SATB1: variants seen among roughly 807,000 people sequenced by gnomAD.
SATB1 encodes SATB homeobox 1, also known as DNA-binding protein SATB1.
Under a neutral mutation model 86.9 loss-of-function variants are expected in SATB1, and 11 were observed. That is an observed-to-expected ratio of 0.13 (90% CI 0.08 to 0.21). SATB1 has a LOEUF of 0.21. Among genes scored for constraint, SATB1 ranks in the 10% least tolerant of loss-of-function variants. The pLI is 1.00. For missense variants in SATB1, 551 were observed against 937.6 expected (o/e 0.59, Z 5.39); for synonymous variants, 357 against 357.2 (o/e 1.00, Z 0.01).
intron 2 of SATB1, among the ~76,000 whole-genome samples, chr3:18,419,200 A>C (rs1698263213): frequency 1.3e-5 from 2 of 152,190 alleles, no homozygotes; most frequent in African/African-American, 4.8e-5. Flanking sequence ...ACCTTCTAGC[A>C]AACTGTTGCG....
Position 18,386,709 on chromosome 3 carries a change from ACAGT to A in SATB1, c.1207-102_1207-99del. The A allele has an allele frequency of 1.1e-6, 1 of 928,380 alleles. No individual in the cohort carries two copies. The highest frequency in any genetic ancestry group is 1.7e-6 in the Non-Finnish European group (1 of 583,636). 57.5% of individuals were successfully genotyped at this position (928,380 alleles called of 1,614,324 possible). ...CTTCTCCACTCTGTTTAGAAAATGA[ACAGT>A]CAGAGGCATTAATTCTGCATAGGAA... On this transcript the variant is annotated intron_variant, in intron 7 of 10. Transcript: ENST00000338745. The surrounding 1 kb of genome is among the most constrained non-coding windows in gnomAD (Gnocchi z 4.5).
At chr3:18,442,598 T>A (rs150489317), upstream of SATB1, among the ~76,000 whole-genome samples, 1,078 of 152,350 alleles carry the variant, frequency 7.1e-3, 16 homozygotes, top group South Asian at 0.064. Context: ...TATTTAATAA[T>A]GTGCTTAACC....
intron 4 of SATB1, 52 bp downstream of exon 4, chr3:18,415,955 A>C: frequency 6.7e-7 from 1 of 1,492,866 alleles, no homozygotes; most frequent in Non-Finnish European, 9.0e-7. Context: ...GCTTCATTTC[A>C]AAAGACCAGG....
chr3:18,416,194 G>A, intron 3 of SATB1, 61 bp from the exon 4 acceptor site: 1 of 1,384,622 alleles, frequency 7.2e-7, no homozygotes, highest in Non-Finnish European at 9.9e-7. Flanking sequence ...ATATCTACTA[G>A]AAGGGTGTTC....
chr3:18,433,859 C>G lies in SATB1; in HGVS notation c.-25+2930G>C, dbSNP rs77898899. ...TGGACTATACATGGACATTTTGAGC[C>G]AACATGAAGGAAAAAGTTGATAAAT... On this transcript the variant is annotated intron_variant, in intron 2 of 3. Transcript: ENST00000414509. 6.7e-3 allele frequency among the ~76,000 whole-genome samples: 1,010 copies of G among 151,802 alleles called. 16 individuals are homozygous for G. Among genetic ancestry groups the G allele is most frequent in the African/African-American group, 0.024 (979 of 41,406 alleles).
chr3:18,423,143 A>G (rs1207896068), intron 1 of SATB1, among the ~76,000 whole-genome samples: 1 of 152,228 alleles, frequency 6.6e-6, no homozygotes, highest in Non-Finnish European at 1.5e-5. Context: ...TGACAGCAGC[A>G]GGAACTAACT....
At chr3:18,374,781 T>C (rs1695658684) in intron 9 of SATB1, among the ~76,000 whole-genome samples, 1 of 152,172 alleles carries the variant, frequency 6.6e-6, no homozygotes, top group Non-Finnish European at 1.5e-5. Flanking sequence ...GTATTTATGA[T>C]ACATAAATAC....
chr3:18,392,954 C>T lies in SATB1; in HGVS notation c.1206+1508G>A, dbSNP rs528088967. ...ACATAGCCTTGTGCAACTGCCTTTT[C>T]AAAAACAGACGAACGTACAAAAAAA... On this transcript the variant is annotated intron_variant, in intron 7 of 10. Coordinates refer to ENST00000338745, the MANE Select transcript of SATB1 (RefSeq NM_002971.6). Among the ~76,000 whole-genome samples, 260 of 130,482 alleles carry T rather than the reference C, an allele frequency of 2.0e-3. 1 individual carries two copies. The highest frequency in any genetic ancestry group is 3.0e-3 in the Non-Finnish European group (186 of 61,784). The allele number at this position is 130,482 out of a possible 152,430, so 85.6% of individuals were successfully genotyped here. A position where few individuals can be genotyped will look rare whatever the true frequency, so the allele number is the denominator to read the frequency against.
chr3:18,429,761 G>C (rs145162999), upstream of SATB1, among the ~76,000 whole-genome samples: 1 of 152,306 alleles, frequency 6.6e-6, no homozygotes, highest in East Asian at 1.9e-4. The surrounding 1 kb of genome is among the most constrained non-coding windows in gnomAD (Gnocchi z 4.1). Context: ...CTTTGAAACA[G>C]TCATCACAGT....
At chr3:18,393,979 TAACAACAACAAAC>T (rs1446450812) in intron 7 of SATB1, among the ~76,000 whole-genome samples, 4 of 141,340 alleles carry the variant, frequency 2.8e-5, no homozygotes, top group Admixed American at 6.8e-5. Flanking sequence ...TCCAAGGTGT[TAACAACAACAAAC>T]AACAACAACA....
rs183884838 is a variant in SATB1 at position 18,413,706 on chromosome 3, A to G, written c.639+1405T>C. 7.3e-3 allele frequency among the ~76,000 whole-genome samples: 1,117 copies of G among 152,202 alleles called. 12 individuals are homozygous for G. Among genetic ancestry groups the G allele is most frequent in the South Asian group, 0.037 (180 of 4,828 alleles). ...AGAGGGAAGACAGGAGATTAGCTGT[A>G]GGTATAACTGAAATGACAAATAAGA... On this transcript the variant is annotated intron_variant, in intron 5 of 10. Transcript: ENST00000338745.
chr3:18,417,105 T>TG (rs749440386), intron 2 of SATB1, 27 bp from the exon 3 acceptor site: 1 of 1,602,174 alleles, frequency 6.2e-7, no homozygotes, highest in African/African-American at 1.3e-5. Context: ...GAAGAAGAGA[T>TG]GGAAAACCAA....
rs1559460120 is a variant in SATB1 at position 18,424,322 on chromosome 3, C to G, written c.-720G>C. 7.1e-6 allele frequency: 1 copy of G among 141,000 alleles called. No homozygotes were observed. Among genetic ancestry groups the G allele is most frequent in the African/African-American group, 2.7e-5 (1 of 37,110 alleles). 8.7% of individuals were successfully genotyped at this position (141,000 alleles called of 1,614,324 possible). On this transcript the variant is annotated 5_prime_UTR_variant, in exon 1 of 11. Transcript: ENST00000338745. Reference sequence around the variant, plus strand: ...ACCTCGCCTCCCTTCCAATCACCCCCACCCCCCTCGCCAACAATCGCGACT... The same window carrying G: ...ACCTCGCCTCCCTTCCAATCACCCCGACCCCCCTCGCCAACAATCGCGACT...
intron 5 of SATB1, among the ~76,000 whole-genome samples, chr3:18,403,143 TC>T (rs1473810419): frequency 2.6e-5 from 4 of 152,138 alleles, no homozygotes; most frequent in Non-Finnish European, 4.4e-5. Context: ...TAAAAATGAT[TC>T]TTTTAACAAA....
Position 18,423,752 on chromosome 3 carries a change from A to T in SATB1, c.-150T>A, listed in dbSNP as rs1312824921. The stretch of plus-strand genomic sequence containing the variant: ...CTTTTTTTTTTTAATTAAAAAAAAA[A>T]AAATAAAAAAGCAGCAGACCTGAAG... On this transcript the variant is annotated 5_prime_UTR_variant, in exon 1 of 11. Transcript: ENST00000338745. 3 of 151,570 alleles carry T rather than the reference A, an allele frequency of 2.0e-5. No individual in the cohort carries two copies. The highest frequency in any genetic ancestry group is 2.9e-5 in the Non-Finnish European group (2 of 67,844). The allele number at this position is 151,570 out of a possible 1,614,324, so 9.4% of individuals were successfully genotyped here.
At position 18,352,022 on chromosome 3, in the gene SATB1, G is replaced by A. The variant is rs1479694210; in HGVS notation, c.1749C>T (p.His583=). 5 of 1,614,228 alleles carry A rather than the reference G, an allele frequency of 3.1e-6. No homozygotes were observed. The highest frequency in any genetic ancestry group is 2.2e-5 in the East Asian group (1 of 44,890). Residue 583 remains histidine (H), a synonymous_variant, in exon 10 of 11, where the codon CAC becomes CAT. Coordinates refer to ENST00000338745, the MANE Select transcript of SATB1 (RefSeq NM_002971.6). The surrounding 1 kb of genome is among the most constrained non-coding windows in gnomAD (Gnocchi z 4.1). ...AVHHHGDRPP[H]IIHVPAEQIQ... is the part of the protein sequence containing the mutation. The stretch of plus-strand genomic sequence containing the variant: ...TCTGCTCTGCTGGAACATGGATAAT[G>A]TGGGGCGGCCTGTCGCCATGGTGAT...
At chr3:18,372,556 T>C (rs1303205969) in intron 9 of SATB1, among the ~76,000 whole-genome samples, 1 of 152,140 alleles carries the variant, frequency 6.6e-6, no homozygotes, top group Admixed American at 6.5e-5. Flanking sequence ...ATATGATAAG[T>C]AAGCAATTGT....
At chr3:18,417,811 G>A (rs74943919) in intron 2 of SATB1, 20,321 of 576,318 alleles carry the variant, frequency 0.035, 497 homozygotes, top group Middle Eastern at 0.073. Flanking sequence ...CTTTGTTACA[G>A]TAAATAAGGT....
chr3:18,377,163 C>T (rs544969827), intron 9 of SATB1, among the ~76,000 whole-genome samples: 11 of 152,214 alleles, frequency 7.2e-5, no homozygotes, highest in Non-Finnish European at 1.2e-4. Context: ...ACAAATATAT[C>T]GGATTATAAA....
Sources: gnomAD v4.1 joint callset for allele counts (sites outside exome capture counted in the v4.1 genomes callset) on GRCh38, gnomAD v4.1.1 for gene constraint, Gnocchi (gnomAD v3.1) non-coding constraint, MANE v1.5 for transcripts, NCBI Gene and HGNC (gene_info 2026-07-23, HGNC 2026-07-21) for gene names.